PFDN2: variants seen among roughly 807,000 people sequenced by gnomAD.
PFDN2 encodes the protein prefoldin subunit 2.
A neutral mutation model predicts 18.3 loss-of-function variants in PFDN2; 7 were observed. The observed-to-expected ratio is 0.38, with a 90% CI of 0.22 to 0.72. The LOEUF (loss-of-function observed/expected upper bound fraction) is 0.72. Ranked by LOEUF, PFDN2 falls within the 30% of genes least tolerant of loss-of-function variation. The pLI, the probability that PFDN2 is intolerant of heterozygous loss-of-function variation, is 0.47. For synonymous variants in PFDN2, 76 were observed against 75.0 expected, an observed-to-expected ratio of 1.01 and a Z score of -0.07; for missense variants, 181 against 199.1, an observed-to-expected ratio of 0.91 and a Z score of 0.55.
intron 1 of PFDN2, among the ~76,000 whole-genome samples, chr1:161,104,447 C>CTT (rs550881339): frequency 8.7e-5 from 12 of 137,808 alleles, no homozygotes; most frequent in East Asian, 4.2e-4. Context: ...TTTTCTTTTT[C>CTT]TTTTTTTTTT....
intron 1 of PFDN2, among the ~76,000 whole-genome samples, chr1:161,108,162 A>C (rs535057699): frequency 2.0e-5 from 3 of 147,432 alleles, no homozygotes; most frequent in East Asian, 4.1e-4. Context: ...AAAAAAAAAA[A>C]AAAAACAAGG....
intron 1 of PFDN2, among the ~76,000 whole-genome samples, chr1:161,113,149 T>G (rs1166582864): frequency 2.6e-5 from 4 of 152,208 alleles, no homozygotes; most frequent in Admixed American, 6.5e-5. Context: ...TTCTGTGACT[T>G]CCTCACTGCT....
Position 161,105,209 on chromosome 1 carries a change from C to T in PFDN2, c.76-2834G>A, listed in dbSNP as rs142847585. 8.9e-4 allele frequency among the ~76,000 whole-genome samples: 136 copies of T among 152,322 alleles called. 3 individuals are homozygous for T. In the East Asian group the frequency reaches 0.014, roughly 16 times the overall value. ...TGCCCCAACTTTTAACTCCTGGGCT[C>T]AAGTGATCCTTCTGCCTCAGCCTCC... On this transcript the variant is annotated intron_variant, in intron 1 of 3. Coordinates refer to ENST00000368010, the MANE Select transcript of PFDN2 (RefSeq NM_012394.4).
intron 3 of PFDN2, among the ~76,000 whole-genome samples, chr1:161,101,356 C>T (rs1170754545): frequency 2.6e-5 from 4 of 151,914 alleles, no homozygotes; most frequent in East Asian, 1.9e-4. Context: ...CCCACCACAA[C>T]GCCCAGCCAA....
chr1:161,117,099 G>A (rs112783365), intron 1 of PFDN2, among the ~76,000 whole-genome samples: 1 of 151,974 alleles, frequency 6.6e-6, no homozygotes, highest in Non-Finnish European at 1.5e-5. Context: ...CAGGTGTGGC[G>A]GCGCGCGCCT....
chr1:161,101,537 A>G (rs975705796), intron 3 of PFDN2, among the ~76,000 whole-genome samples: 2 of 152,144 alleles, frequency 1.3e-5, no homozygotes, highest in Non-Finnish European at 1.5e-5. Context: ...GCACTCCCAA[A>G]GGTTCTAATC....
At chr1:161,101,900 CTT>C (rs1421584900) in intron 3 of PFDN2, 146 bp downstream of exon 3, 2 of 755,614 alleles carry the variant, frequency 2.6e-6, no homozygotes, top group African/African-American at 3.5e-5. Context: ...CCCAGCTAAT[CTT>C]TTGTATTTTT....
intron 2 of PFDN2, 52 bp downstream of exon 2, chr1:161,102,235 C>T (rs138002123): frequency 2.3e-5 from 37 of 1,612,408 alleles, no homozygotes; most frequent in Middle Eastern, 3.3e-4. Context: ...ATCCCCCTCA[C>T]GGAGTAGCCC....
chr1:161,113,147 C>T (rs867311225), intron 1 of PFDN2, among the ~76,000 whole-genome samples: 1 of 152,256 alleles, frequency 6.6e-6, no homozygotes, highest in Middle Eastern at 3.4e-3. Context: ...CCTTCTGTGA[C>T]TTCCTCACTG....
At chr1:161,102,556 G>A (rs1481215389) in intron 1 of PFDN2, among the ~76,000 whole-genome samples, 181 bp from the exon 2 acceptor site, 1 of 152,160 alleles carries the variant, frequency 6.6e-6, no homozygotes, top group Non-Finnish European at 1.5e-5. Context: ...CACCAAACAC[G>A]GAGGGCTTAC....
At chr1:161,117,223 G>A (rs1654973858) in intron 1 of PFDN2, among the ~76,000 whole-genome samples, 1 of 152,204 alleles carries the variant, frequency 6.6e-6, no homozygotes, top group African/African-American at 2.4e-5. Context: ...GGGCGACAGA[G>A]CGAGACTCCG....
chr1:161,115,017 T>C (rs527461973), intron 1 of PFDN2, among the ~76,000 whole-genome samples: 2 of 152,350 alleles, frequency 1.3e-5, no homozygotes, highest in South Asian at 4.1e-4. Flanking sequence ...AGTTATCCAA[T>C]GTCTGAAAAT....
intron 1 of PFDN2, among the ~76,000 whole-genome samples, chr1:161,116,589 T>G (rs762940653): frequency 5.9e-5 from 9 of 152,202 alleles, no homozygotes; most frequent in Non-Finnish European, 1.3e-4. Context: ...TCCATAGCAC[T>G]TTATACTTCT....
chr1:161,105,664 G>T (rs1223111113), intron 1 of PFDN2, among the ~76,000 whole-genome samples: 2 of 152,118 alleles, frequency 1.3e-5, no homozygotes, highest in African/African-American at 4.8e-5. Context: ...CCACCATATT[G>T]GTCAGGCTGG....
chr1:161,106,038 G>C (rs182755137), intron 1 of PFDN2, among the ~76,000 whole-genome samples: 1 of 152,088 alleles, frequency 6.6e-6, no homozygotes, highest in Non-Finnish European at 1.5e-5. Context: ...TGGATCATGG[G>C]GGTAGATCTC....
At chr1:161,111,435 T>C (rs1046908506) in intron 1 of PFDN2, among the ~76,000 whole-genome samples, 1 of 152,196 alleles carries the variant, frequency 6.6e-6, no homozygotes, top group Non-Finnish European at 1.5e-5. Context: ...CAAATCATTC[T>C]TTGCTAGGAG....
Position 161,102,162 on chromosome 1 carries a change from G to A in PFDN2, c.174C>T (p.Ile58=), listed in dbSNP as rs374642940. Residue 58 remains isoleucine (I), a synonymous_variant, in exon 3 of 4, where the codon ATC becomes ATT. Coordinates refer to ENST00000368010, the MANE Select transcript of PFDN2 (RefSeq NM_012394.4). Reference sequence around the variant, plus strand: ...TTTCATCTACCTCCTTCAGTGTATCGATCACTAGGCTGGGATAGGAGAACA... The same window carrying A: ...TTTCATCTACCTCCTTCAGTGTATCAATCACTAGGCTGGGATAGGAGAACA... The part of the protein sequence containing the change: ...EMELNEHSLV[I]DTLKEVDETR... 1.4e-4 allele frequency: 221 copies of A among 1,614,038 alleles called. No homozygotes were observed. Among genetic ancestry groups the A allele is most frequent in the Non-Finnish European group, 1.6e-4 (189 of 1,179,948 alleles).
chr1:161,102,335 C>T lies in PFDN2; in HGVS notation c.116G>A (p.Gly39Asp). ...CAACTCAGCTGCTTTGGATGCCAGG[C>T]CTCGCTGTTCCTGCCGAAGGCGGTT... ...GFNRLRQEQR[G>D]LASKAAELEM... The change falls in exon 2 of 4, where the codon GGC becomes GAC. Residue 39 changes from glycine (G) to aspartate (D), a missense_variant. Physicochemically the swap from Gly to Asp is moderately conservative, Grantham distance 94 (BLOSUM62 -1). Transcript: ENST00000368010. The T allele has an allele frequency of 6.2e-7, 1 of 1,614,204 alleles. No homozygotes were observed. The highest frequency in any genetic ancestry group is 8.5e-7 in the Non-Finnish European group (1 of 1,180,030).
At chr1:161,106,700 A>T (rs1654684027) in intron 1 of PFDN2, among the ~76,000 whole-genome samples, 1 of 152,190 alleles carries the variant, frequency 6.6e-6, no homozygotes, top group African/African-American at 2.4e-5. Flanking sequence ...ACAGTGGTGC[A>T]ATCATGGCTC....
Sources: gnomAD v4.1 joint callset for allele counts (sites outside exome capture counted in the v4.1 genomes callset) on GRCh38, gnomAD v4.1.1 for gene constraint, MANE v1.5 for transcripts, NCBI Gene and HGNC (gene_info 2026-07-23, HGNC 2026-07-21) for gene names.